Variants in S100A8 observed in about 807,000 individuals in gnomAD.
S100A8 encodes protein S100-A8.
In S100A8, 1 loss-of-function variant was observed where a neutral mutation model predicts 4.2. That is an observed-to-expected ratio of 0.24 (90% CI 0.08 to 1.12). S100A8 has a LOEUF of 1.12. S100A8 is among the 50% of genes most tolerant of loss of function. The pLI is 0.53. For missense variants in S100A8, 96 were observed against 111.8 expected, an observed-to-expected ratio of 0.86 and a Z score of 0.64; for synonymous variants, 41 against 44.7, an observed-to-expected ratio of 0.92 and a Z score of 0.33.
chr1:153,394,545 G>A (rs1223602276), upstream of S100A8, among the ~76,000 whole-genome samples: 1 of 152,150 alleles, frequency 6.6e-6, no homozygotes, highest in African/African-American at 2.4e-5. Flanking sequence ...TCCTGTCTCG[G>A]CGGAGAGTAC....
chr1:153,403,278 G>A, the S100A8 span, among the ~76,000 whole-genome samples: 2 of 152,102 alleles, frequency 1.3e-5, no homozygotes, highest in African/African-American at 2.4e-5. Flanking sequence ...GGAAGGAAGG[G>A]GTCCAGCTTC....
chr1:153,414,193 G>C, the S100A8 span, among the ~76,000 whole-genome samples: 1 of 152,060 alleles, frequency 6.6e-6, no homozygotes, highest in Non-Finnish European at 1.5e-5. Flanking sequence ...TGATCATCTT[G>C]GTTTTGGTGA....
the S100A8 span, chr1:153,417,916 C>A: frequency 4.7e-3 from 4,623 of 974,274 alleles, 142 homozygotes; most frequent in African/African-American, 0.073. Context: ...CATTTTTGAA[C>A]AACTTATCCC....
the S100A8 span, among the ~76,000 whole-genome samples, chr1:153,411,449 A>G: frequency 6.6e-5 from 10 of 152,202 alleles, no homozygotes; most frequent in African/African-American, 2.4e-4. Context: ...CTTCAAGGAG[A>G]ACTACAAACC....
chr1:153,412,217 T>A, the S100A8 span, among the ~76,000 whole-genome samples: 1 of 151,750 alleles, frequency 6.6e-6, no homozygotes, highest in Non-Finnish European at 1.5e-5. Flanking sequence ...TGGGAGAAAA[T>A]TTTTGCAACC....
rs1571167033 is a variant in S100A8, at chr1:153,390,437, G to A, written c.99C>T (p.Asp33=). The change falls in exon 2 of 3, where the codon GAC becomes GAT. Residue 33 remains aspartate, a synonymous_variant. Transcript: ENST00000368733. ...KGNFHAVYRD[D]LKKLLETECP... Reference sequence around the variant, plus strand: ...ACTCGGTCTCTAGCAATTTCTTCAGGTCATCCCTGTAGACGGCATGGAAAT... The same window carrying A: ...ACTCGGTCTCTAGCAATTTCTTCAGATCATCCCTGTAGACGGCATGGAAAT... The A allele has an allele frequency of 1.9e-6, 3 of 1,614,164 alleles. No individual in the cohort carries two copies. In the East Asian group the frequency reaches 6.7e-5, roughly 36 times the overall value.
chr1:153,390,308 T>A, intron 2 of S100A8, 65 bp from the exon 3 acceptor site: 3 of 1,601,952 alleles, frequency 1.9e-6, no homozygotes, highest in South Asian at 2.2e-5. Context: ...GGCATAGCCA[T>A]CTATGAAGGG....
chr1:153,401,049 C>T, the S100A8 span, among the ~76,000 whole-genome samples: 1 of 152,186 alleles, frequency 6.6e-6, no homozygotes, highest in Non-Finnish European at 1.5e-5. Flanking sequence ...AAAACAGCCC[C>T]CTACGCCATG....
At chr1:153,399,903 G>A in the S100A8 span, among the ~76,000 whole-genome samples, 1 of 152,190 alleles carries the variant, frequency 6.6e-6, no homozygotes, top group Non-Finnish European at 1.5e-5. Flanking sequence ...CCCCCTCAGG[G>A]GATGGAGTCC....
At position 153,390,050 on chromosome 1, in the gene S100A8, A is replaced by C; in HGVS notation, c.*53T>G. 1 of 1,513,542 alleles carries C rather than the reference A, an allele frequency of 6.6e-7. No individual in the cohort carries two copies. 93.8% of individuals were successfully genotyped at this position (1,513,542 alleles called of 1,614,324 possible). On this transcript the variant is annotated 3_prime_UTR_variant, in exon 3 of 3. Coordinates refer to ENST00000368733, the MANE Select transcript of S100A8 (RefSeq NM_002964.5). ...AGAGGCATGAGGTATTGATGACTTT[A>C]TTATTCTGCAGGTACATGTCCAGGG...
upstream of S100A8, chr1:153,391,101 T>A (rs1662086434): frequency 1.0e-6 from 1 of 985,790 alleles, no homozygotes; most frequent in Non-Finnish European, 1.2e-6. Context: ...CTCCTTTTTA[T>A]AGCGGTTAGG....
At chr1:153,416,936 G>T in the S100A8 span, among the ~76,000 whole-genome samples, 1 of 152,230 alleles carries the variant, frequency 6.6e-6, no homozygotes, top group African/African-American at 2.4e-5. Flanking sequence ...AGGGAGGAGG[G>T]ATAAGGATCC....
At chr1:153,412,049 A>G in the S100A8 span, among the ~76,000 whole-genome samples, 6 of 152,224 alleles carry the variant, frequency 3.9e-5, no homozygotes, top group South Asian at 1.2e-3. Flanking sequence ...AACCTAGGCA[A>G]TACCATTCAG....
chr1:153,419,400 G>A, the S100A8 span: 2 of 1,393,188 alleles, frequency 1.4e-6, no homozygotes, highest in Admixed American at 2.4e-5. Context: ...TCTCTTTGGT[G>A]ACCTACATTG....
At chr1:153,394,833 A>G (rs948248893), upstream of S100A8, among the ~76,000 whole-genome samples, 3 of 152,128 alleles carry the variant, frequency 2.0e-5, no homozygotes, top group Admixed American at 6.5e-5. Flanking sequence ...AACCAGACCA[A>G]GTTTCTTAAG....
chr1:153,390,781 C>A, intron 1 of S100A8: 1 of 595,738 alleles, frequency 1.7e-6, no homozygotes, highest in South Asian at 2.4e-5. Context: ...TGCACACACA[C>A]GGGGCCCGTA....
the S100A8 span, among the ~76,000 whole-genome samples, chr1:153,418,759 T>C: frequency 8.6e-5 from 13 of 151,026 alleles, no homozygotes; most frequent in East Asian, 3.9e-4. Flanking sequence ...GGAGAGGAGG[T>C]CAGAGAAAGA....
chr1:153,415,099 C>A, the S100A8 span, among the ~76,000 whole-genome samples: 1 of 152,022 alleles, frequency 6.6e-6, no homozygotes, highest in Non-Finnish European at 1.5e-5. Flanking sequence ...CTGCAAAAGT[C>A]ATCATTTCAT....
At chr1:153,405,662 A>C in the S100A8 span, among the ~76,000 whole-genome samples, 2 of 152,244 alleles carry the variant, frequency 1.3e-5, no homozygotes, top group African/African-American at 4.8e-5. Flanking sequence ...CTAGACCTAT[A>C]AATTACCCCA....
Sources: allele counts gnomAD v4.1 joint callset (sites outside exome capture counted in the v4.1 genomes callset), GRCh38; gene constraint gnomAD v4.1.1; transcripts MANE v1.5; gene names NCBI Gene and HGNC (gene_info 2026-07-23, HGNC 2026-07-21).